Variants in MROH2B observed in about 807,000 individuals in gnomAD.
MROH2B encodes maestro heat-like repeat-containing protein family member 2B.
MROH2B carries 177 observed loss-of-function variants against 208.6 expected under a neutral mutation model. The ratio of observed to expected loss-of-function variants is 0.85; its 90% confidence interval spans 0.75 to 0.96. MROH2B has a LOEUF of 0.96. Among genes scored for constraint, MROH2B ranks in the 40% least tolerant of loss-of-function variants. The pLI is 0.00. For missense variants in MROH2B, 2,002 were observed against 1,878.7 expected (o/e 1.07, Z -1.21); for synonymous variants, 728 against 659.0 (o/e 1.10, Z -1.60).
chr5:41,064,084 C>A (rs534213578), intron 5 of MROH2B, among the ~76,000 whole-genome samples: 1 of 152,232 alleles, frequency 6.6e-6, no homozygotes, highest in African/African-American at 2.4e-5. Flanking sequence ...AAAGTGTCGT[C>A]CAGTTAGAGA....
chr5:41,070,376 C>T (rs1400959191), intron 1 of MROH2B, among the ~76,000 whole-genome samples: 1 of 152,156 alleles, frequency 6.6e-6, no homozygotes, highest in Non-Finnish European at 1.5e-5. Context: ...TGAGCAATTT[C>T]AAGCTACATG....
intron 33 of MROH2B, 147 bp downstream of exon 33, chr5:41,008,459 T>C: frequency 1.2e-6 from 1 of 823,660 alleles, no homozygotes; most frequent in Non-Finnish European, 1.8e-6. Flanking sequence ...GTGTCACGGC[T>C]TAGGGAGAGT....
chr5:41,064,670 G>A, intron 4 of MROH2B, 100 bp from the exon 5 acceptor site: 1 of 765,330 alleles, frequency 1.3e-6, no homozygotes. Flanking sequence ...GCTGCACGGA[G>A]GAGGCAGATG....
At position 41,012,607 on chromosome 5, in the gene MROH2B, C is replaced by T; in HGVS notation, c.3111G>A (p.Gln1037=). 1 of 1,612,748 alleles carries T rather than the reference C, an allele frequency of 6.2e-7. No homozygotes were observed. Among genetic ancestry groups the T allele is most frequent in the Non-Finnish European group, 8.5e-7 (1 of 1,179,352 alleles). Residue 1037 remains glutamine, a synonymous_variant, in exon 30 of 42, where the codon CAG becomes CAA. Transcript: ENST00000399564. ...CGIWMITVLK[Q]QGAALEDQLL... is the part of the protein sequence containing the mutation. The stretch of plus-strand genomic sequence containing the variant: ...CCTGATCTTCCAGAGCAGCTCCCTG[C>T]TGCTTCAGGACAGTGATCATCCATA...
intron 36 of MROH2B, 82 bp from the exon 37 acceptor site, chr5:41,004,610 C>G: frequency 6.6e-7 from 1 of 1,518,604 alleles, no homozygotes; most frequent in South Asian, 1.3e-5. Context: ...GACAAGAGGA[C>G]TGAAATTTTG....
At chr5:41,015,279 C>T in intron 29 of MROH2B, 102 bp downstream of exon 29, 2 of 1,015,186 alleles carry the variant, frequency 2.0e-6, no homozygotes, top group Non-Finnish European at 2.9e-6. Flanking sequence ...GTCCCTCATT[C>T]AGCTTGAATA....
chr5:41,022,770 TAGCCTAACTGGGA>T, intron 24 of MROH2B, among the ~76,000 whole-genome samples: 1 of 152,304 alleles, frequency 6.6e-6, no homozygotes, highest in South Asian at 2.1e-4. Flanking sequence ...GATGCCCTAG[TAGCCTAACTGGGA>T]AGCACCCCCC....
chr5:40,998,058 A>T lies in MROH2B; in HGVS notation c.4752T>A (p.Pro1584=). The T allele has an allele frequency of 6.2e-7, 1 of 1,608,084 alleles. No individual in the cohort carries two copies. Among genetic ancestry groups the T allele is most frequent in the South Asian group, 1.1e-5 (1 of 90,706 alleles). Residue 1584 remains proline (P), a synonymous_variant, in exon 42 of 42, where the codon CCT becomes CCA. Transcript: ENST00000399564. ...CAGTTTATTTCTTGATGGCTTACAG[A>T]GGAATGCTTGTCTCTTTACACCTTC... ...LLRRCKETSI[P]L
chr5:41,015,423 A>C lies in MROH2B; in HGVS notation c.2940T>G (p.Asp980Glu). Residue 980 changes from aspartate to glutamate, a missense_variant, in exon 29 of 42, where the codon GAT (aspartate) becomes GAG (glutamate). Coordinates refer to ENST00000399564, the MANE Select transcript of MROH2B (RefSeq NM_173489.5). Reference sequence around the variant, plus strand: ...AAATCTTGATCTGAACCTGCACGTCATCACTTTCCAGCCCTTCCTGCAAAC... The same window carrying C: ...AAATCTTGATCTGAACCTGCACGTCCTCACTTTCCAGCCCTTCCTGCAAAC... ...LQGLQEGLESDDVQVQIKISS... is the reference protein window; with the variant it reads ...LQGLQEGLESEDVQVQIKISS... 1 of 1,613,662 alleles carries C rather than the reference A, an allele frequency of 6.2e-7. No individual in the cohort carries two copies. The highest frequency in any genetic ancestry group is 8.5e-7 in the Non-Finnish European group (1 of 1,179,696).
chr5:41,047,701 A>C lies in MROH2B; in HGVS notation c.1728+20T>G, dbSNP rs1436852930. 6.3e-7 allele frequency: 1 copy of C among 1,584,088 alleles called. No individual in the cohort carries two copies. The highest frequency in any genetic ancestry group is 2.3e-5 in the East Asian group (1 of 44,026). ...TTTCATCATGCCATTATTAAAAATTATTCTAGAAGCCAGCCTTACCTGAAG... is the reference window on the plus strand; with the variant it reads ...TTTCATCATGCCATTATTAAAAATTCTTCTAGAAGCCAGCCTTACCTGAAG... On this transcript the variant is annotated intron_variant, in intron 17 of 41. Coordinates refer to ENST00000399564, the MANE Select transcript of MROH2B (RefSeq NM_173489.5).
intron 10 of MROH2B, 66 bp downstream of exon 10, chr5:41,055,676 G>T (rs941320774): frequency 8.7e-7 from 1 of 1,154,248 alleles, no homozygotes; most frequent in Non-Finnish European, 1.3e-6. Flanking sequence ...GGATTAGAGA[G>T]TGCATAGGCT....
intron 41 of MROH2B, 96 bp from the exon 42 acceptor site, chr5:40,998,254 G>T: frequency 3.3e-6 from 3 of 917,154 alleles, no homozygotes; most frequent in East Asian, 4.9e-5. Context: ...AGCACTGAGG[G>T]TCAGACCCAA....
rs750972720 is a variant in MROH2B, at chr5:41,054,840, T to C, written c.1034A>G (p.Glu345Gly). The C allele has an allele frequency of 1.7e-5, 28 of 1,607,912 alleles. No individual in the cohort carries two copies. Among genetic ancestry groups the C allele is most frequent in the Non-Finnish European group, 2.4e-5 (28 of 1,176,792 alleles). Reference sequence around the variant, plus strand: ...AATGATGTGATCCCTCAACCTGGGCTCTGAAAGACAGAGGGAGAAATTGAG... The same window carrying C: ...AATGATGTGATCCCTCAACCTGGGCCCTGAAAGACAGAGGGAGAAATTGAG... ...TLLRLAVNADEPRLRDHIISI... is the reference protein window; with the variant it reads ...TLLRLAVNADGPRLRDHIISI... Residue 345 changes from glutamate (E) to glycine (G), a missense_variant and splice_region_variant, in exon 11 of 42, where the codon GAG (glutamate) becomes GGG (glycine). By Grantham distance (98) the Glu-to-Gly change is moderately conservative. Coordinates refer to ENST00000399564, the MANE Select transcript of MROH2B (RefSeq NM_173489.5).
chr5:40,999,466 G>T (rs745412115), intron 40 of MROH2B, among the ~76,000 whole-genome samples: 1 of 152,190 alleles, frequency 6.6e-6, no homozygotes, highest in Non-Finnish European at 1.5e-5. Flanking sequence ...GAGTGTAGGT[G>T]AGTCAGGAGA....
At chr5:41,034,081 G>A (rs1238856034) in intron 21 of MROH2B, 1 of 984,522 alleles carries the variant, frequency 1.0e-6, no homozygotes, top group African/African-American at 1.7e-5. Flanking sequence ...CCCCAGGTAA[G>A]TCATGAGTAA....
chr5:41,044,785 A>G (rs974489754), intron 18 of MROH2B, among the ~76,000 whole-genome samples: 9 of 152,350 alleles, frequency 5.9e-5, no homozygotes, highest in African/African-American at 2.2e-4. Flanking sequence ...AATACTGAGT[A>G]CTGGAACTGA....
At position 41,004,445 on chromosome 5, in the gene MROH2B, G is replaced by A. The variant is rs367874275; in HGVS notation, c.4095C>T (p.Ser1365=). ...HLARTEVVCE[S]LKALKKILEL... ...CCAGGATTTTTTTTAGAGCCTTCAA[G>A]CTTTCACAGACGACTTCAGTGCGAG... is the stretch of plus-strand genomic sequence containing the variant. The change falls in exon 37 of 42, where the codon AGC becomes AGT. Residue 1365 remains serine, a synonymous_variant. Coordinates refer to ENST00000399564, the MANE Select transcript of MROH2B (RefSeq NM_173489.5). 13 of 1,613,818 alleles carry A rather than the reference G, an allele frequency of 8.1e-6. No homozygotes were observed. In the African/African-American group the frequency reaches 1.6e-4, roughly 20 times the overall value.
intron 20 of MROH2B, 66 bp from the exon 21 acceptor site, chr5:41,038,954 T>C: frequency 2.7e-6 from 4 of 1,481,500 alleles, no homozygotes; most frequent in Non-Finnish European, 3.6e-6. Flanking sequence ...CTCATGTTTT[T>C]TTCCTAATCC....
intron 21 of MROH2B, among the ~76,000 whole-genome samples, chr5:41,037,304 T>C (rs1006645232): frequency 6.6e-6 from 1 of 152,362 alleles, no homozygotes; most frequent in East Asian, 1.9e-4. Context: ...TGGTCTCTAA[T>C]GATTGACCAT....
Sources: gnomAD v4.1 joint callset for allele counts (sites outside exome capture counted in the v4.1 genomes callset) on GRCh38, gnomAD v4.1.1 for gene constraint, MANE v1.5 for transcripts, NCBI Gene and HGNC (gene_info 2026-07-23, HGNC 2026-07-21) for gene names.